Variants in CD36 observed in about 807,000 individuals in gnomAD.
CD36 encodes the protein platelet glycoprotein 4.
CD36 carries 119 observed loss-of-function variants against 55.2 expected under a neutral mutation model. The ratio of observed to expected loss-of-function variants is 2.15; its 90% CI spans 1.86 to 2.51. CD36 has a LOEUF of 2.51. CD36 is among the 30% of genes most tolerant of loss of function. The pLI is 0.00. For synonymous variants in CD36, 186 were observed against 193.6 expected, an observed-to-expected ratio of 0.96 and a Z score of 0.33; for missense variants, 819 against 555.5, an observed-to-expected ratio of 1.47 and a Z score of -4.77.
intron 6 of CD36, among the ~76,000 whole-genome samples, chr7:80,663,613 T>C (rs563673201): frequency 1.3e-5 from 2 of 152,254 alleles, no homozygotes; most frequent in East Asian, 3.9e-4. Context: ...TGTTCACATC[T>C]CAATACTGAT....
intron 1 of CD36, among the ~76,000 whole-genome samples, chr7:80,631,389 A>G (rs1436467573): frequency 1.3e-5 from 2 of 152,036 alleles, no homozygotes; most frequent in African/African-American, 4.8e-5. Flanking sequence ...GTATTTTATC[A>G]AGTCCATTGT....
intron 12 of CD36, 176 bp from the exon 13 acceptor site, chr7:80,673,179 T>TAGAAGACATATAAGAGCAAAGGAAGTCA: frequency 1.9e-6 from 1 of 539,076 alleles, no homozygotes; most frequent in Non-Finnish European, 3.3e-6. Flanking sequence ...TCAATGTGAT[T>TAGAAGACATATAAGAGCAAAGGAAGTCA]AGAAGACATA....
At chr7:80,648,652 ATATAT>A (rs1419513228) in intron 3 of CD36, among the ~76,000 whole-genome samples, 3 of 152,232 alleles carry the variant, frequency 2.0e-5, no homozygotes, top group South Asian at 2.1e-4. Context: ...CCAGGGGAAG[ATATAT>A]TATAATAAAA....
rs545489204 is a variant in CD36 at position 80,656,639 on chromosome 7, C to T, written c.220C>T (p.Gln74Ter). The change falls in exon 4 of 15, where the codon CAG (glutamine) becomes TAG (stop). Residue 74 changes from glutamine (Q) to a stop codon, truncating the protein, a stop_gained. Transcript: ENST00000447544. LOFTEE classifies it high-confidence loss of function. ...QFWIFDVQNPQEVMMNSSNIQ... is the reference protein window; with the variant it reads ...QFWIFDVQNP ...TTGGATCTTTGATGTGCAAAATCCA[C>T]AGGAAGTGATGATGAACAGCAGCAA... The T allele has an allele frequency of 8.9e-5, 144 of 1,613,772 alleles. 2 individuals are homozygous for T. The Middle Eastern group carries it at 9.9e-4, about 11-fold the overall frequency.
chr7:80,657,297 G>A (rs956378307), intron 4 of CD36, among the ~76,000 whole-genome samples: 2 of 152,104 alleles, frequency 1.3e-5, no homozygotes, highest in African/African-American at 2.4e-5. Context: ...GAGAACCACC[G>A]TGCTAAATTC....
At chr7:80,609,350 C>T (rs1376486120) in intron 1 of CD36, among the ~76,000 whole-genome samples, 3 of 152,118 alleles carry the variant, frequency 2.0e-5, no homozygotes, top group African/African-American at 7.2e-5. Context: ...ATCCACTATA[C>T]CCTCTCCCAC....
chr7:80,636,259 G>C (rs929280521), upstream of CD36, among the ~76,000 whole-genome samples: 1 of 151,922 alleles, frequency 6.6e-6, no homozygotes, highest in African/African-American at 2.4e-5. Flanking sequence ...GTCAAGTATT[G>C]TACACTACTC....
chr7:80,672,839 A>C lies in CD36; in HGVS notation c.1195A>C (p.Ile399Leu). ...CCTATTGGTCAAGCCATCAGAAAAA[A>C]TTCAGTGAGTCTCTTGAAAATGGTT... is the stretch of plus-strand genomic sequence containing the variant. The part of the protein sequence containing the change: ...VNLLVKPSEK[I>L]QVLKNLKRNY... Residue 399 changes from isoleucine to leucine, a missense_variant, in exon 12 of 15, where the codon ATT becomes CTT. By Grantham distance (5) the Ile-to-Leu change is conservative. Coordinates refer to ENST00000447544, the MANE Select transcript of CD36 (RefSeq NM_001001548.3). 3 of 1,606,498 alleles carry C rather than the reference A, an allele frequency of 1.9e-6. No individual in the cohort carries two copies. The South Asian group carries it at 3.3e-5, about 18-fold the overall frequency.
intron 1 of CD36, among the ~76,000 whole-genome samples, chr7:80,611,512 T>G (rs765364178): frequency 2.8e-4 from 43 of 152,170 alleles, no homozygotes; most frequent in Non-Finnish European, 6.0e-4. Flanking sequence ...AGATGCTTTA[T>G]TACTGCCAAT....
At chr7:80,667,993 C>A (rs1234246438) in intron 8 of CD36, among the ~76,000 whole-genome samples, 1 of 151,890 alleles carries the variant, frequency 6.6e-6, no homozygotes, top group Non-Finnish European at 1.5e-5. Flanking sequence ...GTGATCCGCC[C>A]CCCTCGGCCT....
chr7:80,666,491 T>A lies in CD36; in HGVS notation c.748+2T>A, dbSNP rs868695492. ...ACTGCGACATGATTAATGGTACAGG[T>A]AAGAATATTTGTTTTGTGGTCATCA... On this transcript the variant is annotated splice_donor_variant, in intron 8 of 14. Transcript: ENST00000447544. LOFTEE classifies it high-confidence loss of function. The A allele has an allele frequency of 6.2e-6, 10 of 1,604,516 alleles. No individual in the cohort carries two copies. The African/African-American group carries it at 9.4e-5, about 15-fold the overall frequency.
chr7:80,673,006 C>G, intron 12 of CD36, 163 bp downstream of exon 12: 1 of 633,518 alleles, frequency 1.6e-6, no homozygotes, highest in Non-Finnish European at 2.9e-6. Context: ...TGACTAATTT[C>G]ACAGATTTTG....
intron 1 of CD36, among the ~76,000 whole-genome samples, chr7:80,627,427 A>G (rs889684594): frequency 6.6e-6 from 1 of 151,836 alleles, no homozygotes; most frequent in Non-Finnish European, 1.5e-5. Context: ...GCCTCCAATT[A>G]GTACACCATA....
At chr7:80,605,187 C>T (rs1420225271) in intron 1 of CD36, among the ~76,000 whole-genome samples, 2 of 152,148 alleles carry the variant, frequency 1.3e-5, no homozygotes, top group African/African-American at 4.8e-5. Flanking sequence ...TGTTTGAATA[C>T]ATGATGGAGT....
intron 1 of CD36, among the ~76,000 whole-genome samples, chr7:80,619,576 G>A (rs181756482): frequency 6.6e-6 from 1 of 151,400 alleles, no homozygotes; most frequent in Admixed American, 6.6e-5. Context: ...GAACCCAGGA[G>A]GCAGAGATTG....
rs141015096 is a variant in CD36, at chr7:80,674,576, G to GAAAA, written c.*431_*432insAAAA. On this transcript the variant is annotated intron_variant, in intron 14 of 14. Transcript: ENST00000447544. ...CCAGAAAAGTCCTGAACAAAAATTT[G>GAAAA]AATATAATAGTATCAGGAAATAGGG... is the stretch of plus-strand genomic sequence containing the variant. Among the ~76,000 whole-genome samples, 997 of 152,112 alleles carry GAAAA rather than the reference G, an allele frequency of 6.6e-3. 10 individuals carry two copies. Among genetic ancestry groups the GAAAA allele is most frequent in the African/African-American group, 0.022 (931 of 41,520 alleles).
At chr7:80,666,779 A>G (rs1797132387) in intron 8 of CD36, among the ~76,000 whole-genome samples, 1 of 152,268 alleles carries the variant, frequency 6.6e-6, no homozygotes, top group African/African-American at 2.4e-5. Context: ...GGTAAAAAAC[A>G]AACAACAACA....
Position 80,670,904 on chromosome 7 carries a change from G to A in CD36, c.819-73G>A. The A allele has an allele frequency of 4.8e-6, 5 of 1,051,582 alleles. No homozygotes were observed. The Admixed American group carries it at 9.3e-5, about 20-fold the overall frequency. 65.1% of individuals were successfully genotyped at this position (1,051,582 alleles called of 1,614,324 possible). ...ATATGATGTTTCTAAGTTAAAACAA[G>A]AATAAGAAAAAATGAATCTCCAGAA... On this transcript the variant is annotated intron_variant, in intron 9 of 14. Coordinates refer to ENST00000447544, the MANE Select transcript of CD36 (RefSeq NM_001001548.3).
chr7:80,672,712 GAATAGTATAA>G (rs1400192418), intron 11 of CD36, 48 bp from the exon 12 acceptor site: 1 of 1,200,338 alleles, frequency 8.3e-7, no homozygotes, highest in Non-Finnish European at 1.2e-6. Flanking sequence ...AATAAGTTTT[GAATAGTATAA>G]AATAATGTTT....
Sources: gnomAD v4.1 joint callset for allele counts (sites outside exome capture counted in the v4.1 genomes callset) on GRCh38, gnomAD v4.1.1 for gene constraint, MANE v1.5 for transcripts, NCBI Gene and HGNC (gene_info 2026-07-23, HGNC 2026-07-21) for gene names.